KPNA5: variants seen among roughly 807,000 people sequenced by gnomAD.
The protein encoded by KPNA5 is importin subunit alpha-6.
In KPNA5, 46 loss-of-function variants were observed where a neutral mutation model predicts 71.3. That is an observed-to-expected ratio of 0.65 (90% CI 0.51 to 0.83). The LOEUF (loss-of-function observed/expected upper bound fraction) is 0.83, where lower values mean the gene tolerates loss of function less well. Among genes scored for constraint, KPNA5 ranks in the 40% least tolerant of loss-of-function variants. The probability of loss-of-function intolerance (pLI) is 0.00; values close to 1 mark genes in which losing one functional copy is unlikely to be tolerated. For synonymous variants in KPNA5, 207 were observed against 201.4 expected, an observed-to-expected ratio of 1.03 and a Z score of -0.24; for missense variants, 547 against 628.3, an observed-to-expected ratio of 0.87 and a Z score of 1.38.
intron 4 of KPNA5, among the ~76,000 whole-genome samples, chr6:116,694,919 C>A (rs1413314544): frequency 1.3e-5 from 2 of 152,082 alleles, no homozygotes; most frequent in Non-Finnish European, 2.9e-5. Flanking sequence ...TACAAGCATT[C>A]ATTTTACTAT....
chr6:116,707,586 A>G (rs975209321), intron 7 of KPNA5, among the ~76,000 whole-genome samples: 1 of 152,260 alleles, frequency 6.6e-6, no homozygotes, highest in Non-Finnish European at 1.5e-5. Context: ...ACATCAGCAT[A>G]GGTGAGTAAT....
At chr6:116,689,631 T>C (rs539183399) in intron 2 of KPNA5, among the ~76,000 whole-genome samples, 178 bp downstream of exon 2, 1 of 152,330 alleles carries the variant, frequency 6.6e-6, no homozygotes, top group East Asian at 1.9e-4. Context: ...CTTTAGTCAC[T>C]GGGAGAAATG....
At chr6:116,716,357 T>C (rs776682398) in intron 8 of KPNA5, 39 bp downstream of exon 8, 3 of 1,372,972 alleles carry the variant, frequency 2.2e-6, no homozygotes, top group Non-Finnish European at 3.1e-6. Flanking sequence ...TTTGTTTCCA[T>C]AAACCTAAGT....
chr6:116,694,533 CTGTT>C (rs1182151141), intron 4 of KPNA5, among the ~76,000 whole-genome samples: 5 of 150,446 alleles, frequency 3.3e-5, no homozygotes, highest in African/African-American at 7.4e-5. Flanking sequence ...ATTTGGCTCT[CTGTT>C]TGTCTGTTAT....
chr6:116,731,562 ATTC>A (rs1334902734), intron 13 of KPNA5, among the ~76,000 whole-genome samples: 4 of 152,138 alleles, frequency 2.6e-5, no homozygotes, highest in Non-Finnish European at 5.9e-5. Context: ...ATTGCTATAG[ATTC>A]TTCTCATCTT....
Position 116,739,543 on chromosome 6 carries a change from C to G in KPNA5, c.*7220C>G, listed in dbSNP as rs1025950246. The G allele has an allele frequency of 6.6e-6, 1 of 152,222 alleles. No homozygotes were observed. The highest frequency in any genetic ancestry group is 2.4e-5 in the African/African-American group (1 of 41,448). The allele number at this position is 152,222 out of a possible 1,614,324, so 9.4% of individuals were successfully genotyped here. A position where few individuals can be genotyped will look rare whatever the true frequency, so the allele number is the denominator to read the frequency against. ...CAAAAAAGAGCCCGCATCGCCAAGT[C>G]AATCCTAAGCCAAAAGAACACAGCT... On this transcript the variant is annotated 3_prime_UTR_variant, in exon 14 of 14. Transcript: ENST00000368564.
intron 1 of KPNA5, among the ~76,000 whole-genome samples, chr6:116,686,066 G>A (rs1777574078): frequency 1.3e-5 from 2 of 151,954 alleles, no homozygotes; most frequent in Admixed American, 1.3e-4. Context: ...CACCATGCCT[G>A]GGTAATGTTT....
intron 8 of KPNA5, among the ~76,000 whole-genome samples, chr6:116,718,802 C>G (rs1778999841): frequency 6.6e-6 from 1 of 151,158 alleles, no homozygotes; most frequent in African/African-American, 2.4e-5. Flanking sequence ...GAGTTTCACT[C>G]TGTCGCCCAG....
chr6:116,732,192 G>C lies in KPNA5; in HGVS notation c.1489G>C (p.Ala497Pro), dbSNP rs1779527139. The change falls in exon 14 of 14, where the codon GCA becomes CCA. Residue 497 changes from alanine (A) to proline (P), a missense_variant. By Grantham distance (27) the Ala-to-Pro change is conservative. Coordinates refer to ENST00000368564, the MANE Select transcript of KPNA5 (RefSeq NM_001366306.2). ...TGAAAATCAGGAAATTTACCAGAAG[G>C]CATTTGATCTGATTGAACATTACTT... ...SHENQEIYQK[A>P]FDLIEHYFGV... 2 of 1,567,808 alleles carry C rather than the reference G, an allele frequency of 1.3e-6. No individual in the cohort carries two copies. The highest frequency in any genetic ancestry group is 1.7e-6 in the Non-Finnish European group (2 of 1,159,162).
chr6:116,685,479 T>G (rs2114352653), intron 1 of KPNA5, among the ~76,000 whole-genome samples: 1 of 152,266 alleles, frequency 6.6e-6, no homozygotes, highest in Non-Finnish European at 1.5e-5. Flanking sequence ...GTTGTTCCCT[T>G]CTTTGTGTCC....
At chr6:116,690,849 A>T (rs1777772822) in intron 2 of KPNA5, among the ~76,000 whole-genome samples, 1 of 152,302 alleles carries the variant, frequency 6.6e-6, no homozygotes, top group Middle Eastern at 3.4e-3. Flanking sequence ...ATCCTCTTGT[A>T]TATTTTGAGT....
intron 13 of KPNA5, 29 bp from the exon 14 acceptor site, chr6:116,732,106 AT>A: frequency 3.1e-5 from 5 of 162,844 alleles, no homozygotes; most frequent in Admixed American, 9.0e-5. Flanking sequence ...ATATATATAT[AT>A]ATATATATAT....
intron 1 of KPNA5, among the ~76,000 whole-genome samples, chr6:116,687,161 A>G (rs1237009197): frequency 6.6e-6 from 1 of 152,212 alleles, no homozygotes; most frequent in Non-Finnish European, 1.5e-5. Context: ...CCTATCCACA[A>G]GCATGGAATG....
At chr6:116,714,937 G>T (rs77380399) in intron 7 of KPNA5, among the ~76,000 whole-genome samples, 1 of 152,156 alleles carries the variant, frequency 6.6e-6, no homozygotes, top group East Asian at 1.9e-4. Flanking sequence ...TGTCTTAAAG[G>T]TTGCTGCCAG....
chr6:116,698,574 C>T (rs959726979), intron 4 of KPNA5, 130 bp from the exon 5 acceptor site: 1 of 582,402 alleles, frequency 1.7e-6, no homozygotes, highest in Non-Finnish European at 3.0e-6. Flanking sequence ...TTACATCTAG[C>T]TAAGGGTTTT....
chr6:116,693,795 A>T (rs1486572687), intron 4 of KPNA5, among the ~76,000 whole-genome samples: 2 of 151,852 alleles, frequency 1.3e-5, no homozygotes, highest in East Asian at 1.9e-4. Context: ...GGTGTTTTAG[A>T]CATGAAGTCC....
Position 116,732,415 on chromosome 6 carries a change from A to G in KPNA5, c.*92A>G, listed in dbSNP as rs1779536174. The stretch of plus-strand genomic sequence containing the variant: ...TGTAAGAATGTTTGTTTTTTTACAT[A>G]GAACAGTAAAGAGAATTTGATGCAC... On this transcript the variant is annotated 3_prime_UTR_variant, in exon 14 of 14. Coordinates refer to ENST00000368564, the MANE Select transcript of KPNA5 (RefSeq NM_001366306.2). The G allele has an allele frequency of 4.8e-6, 3 of 619,028 alleles. No individual in the cohort carries two copies. The highest frequency in any genetic ancestry group is 3.5e-5 in the East Asian group (1 of 28,570). 38.3% of individuals were successfully genotyped at this position (619,028 alleles called of 1,614,324 possible).
At chr6:116,727,394 C>T (rs1021832326) in intron 12 of KPNA5, among the ~76,000 whole-genome samples, 11 of 151,882 alleles carry the variant, frequency 7.2e-5, no homozygotes, top group African/African-American at 2.7e-4. Flanking sequence ...GTAAAAAATG[C>T]CAGTACAACA....
chr6:116,729,463 T>C (rs747414311), intron 12 of KPNA5, 100 bp from the exon 13 acceptor site: 2 of 687,386 alleles, frequency 2.9e-6, no homozygotes, highest in Non-Finnish European at 4.3e-6. Context: ...TTATGTAACA[T>C]TTCACTATGA....
Sources: allele counts gnomAD v4.1 joint callset (sites outside exome capture counted in the v4.1 genomes callset), GRCh38; gene constraint gnomAD v4.1.1; transcripts MANE v1.5; gene names NCBI Gene and HGNC (gene_info 2026-07-23, HGNC 2026-07-21).